Variants in GALNT13 observed in about 807,000 individuals in gnomAD.
GALNT13 encodes the protein UDP-GalNAc:polypeptide N-acetylgalactosaminyltransferase 13.
GALNT13 carries 28 observed loss-of-function variants against 64.2 expected under a neutral mutation model. The ratio of observed to expected loss-of-function variants is 0.44; its 90% CI spans 0.32 to 0.60. The LOEUF (loss-of-function observed/expected upper bound fraction) is 0.60. GALNT13 is among the 20% of genes least tolerant of loss of function. The pLI, the probability that GALNT13 is intolerant of heterozygous loss-of-function variation, is 0.05. For missense variants in GALNT13, 577 were observed against 669.8 expected (o/e 0.86, Z 1.53); for synonymous variants, 214 against 224.6 (o/e 0.95, Z 0.42).
the GALNT13 span, among the ~76,000 whole-genome samples, chr2:153,344,234 C>T: frequency 5.3e-5 from 8 of 152,122 alleles, no homozygotes; most frequent in Non-Finnish European, 1.0e-4. Context: ...TAGACAAGTT[C>T]CACCATTTGT....
At chr2:153,232,021 G>A in the GALNT13 span, among the ~76,000 whole-genome samples, 1,647 of 152,232 alleles carry the variant, frequency 0.011, 20 homozygotes, top group Non-Finnish European at 0.013. Context: ...ATGTGAAAAC[G>A]TGCACTGACC....
intron 3 of GALNT13, among the ~76,000 whole-genome samples, chr2:153,967,447 G>C (rs1235575934): frequency 6.6e-6 from 1 of 152,182 alleles, no homozygotes; most frequent in Non-Finnish European, 1.5e-5. Flanking sequence ...TCTTTCAGCA[G>C]TAGGTGGCCC....
intron 3 of GALNT13, among the ~76,000 whole-genome samples, chr2:153,973,843 T>G (rs570128602): frequency 6.6e-6 from 1 of 152,124 alleles, no homozygotes; most frequent in Non-Finnish European, 1.5e-5. Flanking sequence ...AACATGACCA[T>G]ATACAGATGA....
At chr2:153,789,766 C>G in the GALNT13 span, among the ~76,000 whole-genome samples, 1 of 152,218 alleles carries the variant, frequency 6.6e-6, no homozygotes, top group Middle Eastern at 3.4e-3. Context: ...ACTAACCCCC[C>G]AGAAAAACAC....
At chr2:153,464,161 G>T in the GALNT13 span, among the ~76,000 whole-genome samples, 1 of 152,000 alleles carries the variant, frequency 6.6e-6, no homozygotes, top group Non-Finnish European at 1.5e-5. Context: ...AGTCAAAATT[G>T]ACTCAGAAAC....
the GALNT13 span, among the ~76,000 whole-genome samples, chr2:153,098,154 T>C: frequency 2.0e-5 from 3 of 152,204 alleles, no homozygotes; most frequent in East Asian, 5.8e-4. Context: ...TTCAGATAAA[T>C]ATATATTTAA....
intron 9 of GALNT13, among the ~76,000 whole-genome samples, chr2:154,327,311 C>T (rs1325891464): frequency 6.6e-6 from 1 of 152,064 alleles, no homozygotes; most frequent in Non-Finnish European, 1.5e-5. Context: ...AACCTCCCTC[C>T]TTTGCAAATA....
the GALNT13 span, among the ~76,000 whole-genome samples, chr2:153,818,321 G>A: frequency 6.6e-6 from 1 of 152,134 alleles, no homozygotes; most frequent in Non-Finnish European, 1.5e-5. Context: ...GCAGCTTGGC[G>A]CCAGCTGCTG....
chr2:153,262,217 G>A, the GALNT13 span, among the ~76,000 whole-genome samples: 1 of 152,204 alleles, frequency 6.6e-6, no homozygotes, highest in Non-Finnish European at 1.5e-5. Flanking sequence ...AGGGCCCACA[G>A]TGTGTACTGC....
At chr2:154,263,389 G>C (rs1690808388) in intron 8 of GALNT13, among the ~76,000 whole-genome samples, 1 of 152,146 alleles carries the variant, frequency 6.6e-6, no homozygotes, top group Non-Finnish European at 1.5e-5. Context: ...ATTCATGGCA[G>C]CTGTTGTGGT....
chr2:153,236,892 A>C, the GALNT13 span, among the ~76,000 whole-genome samples: 1 of 152,088 alleles, frequency 6.6e-6, no homozygotes, highest in Non-Finnish European at 1.5e-5. Flanking sequence ...AGCAAAGTAA[A>C]TTGAAAACTT....
chr2:153,333,865 C>T, the GALNT13 span, among the ~76,000 whole-genome samples: 1 of 152,178 alleles, frequency 6.6e-6, no homozygotes, highest in African/African-American at 2.4e-5. Context: ...TTGTGTTAAA[C>T]TACTGAGTTT....
chr2:153,321,638 G>T, the GALNT13 span, among the ~76,000 whole-genome samples: 4 of 152,160 alleles, frequency 2.6e-5, no homozygotes, highest in South Asian at 2.1e-4. Flanking sequence ...CCCCCAAAAA[G>T]GTTAAGAAAG....
At chr2:154,052,448 A>G (rs1457737585) in intron 3 of GALNT13, among the ~76,000 whole-genome samples, 1 of 151,986 alleles carries the variant, frequency 6.6e-6, no homozygotes, top group Non-Finnish European at 1.5e-5. Flanking sequence ...TTATCACCTC[A>G]TTTAGATTTT....
chr2:154,370,142 G>A (rs981557175), intron 9 of GALNT13, among the ~76,000 whole-genome samples: 2 of 152,010 alleles, frequency 1.3e-5, no homozygotes, highest in Non-Finnish European at 2.9e-5. Flanking sequence ...TGAAGTTTAG[G>A]TGGGGGATAC....
At chr2:153,701,687 C>T in the GALNT13 span, among the ~76,000 whole-genome samples, 1 of 152,094 alleles carries the variant, frequency 6.6e-6, no homozygotes, top group Non-Finnish European at 1.5e-5. Flanking sequence ...TGAACAGACA[C>T]TTTTCAAAAG....
At chr2:153,819,007 T>C in the GALNT13 span, among the ~76,000 whole-genome samples, 1 of 152,224 alleles carries the variant, frequency 6.6e-6, no homozygotes, top group East Asian at 1.9e-4. Context: ...TCAGGACACA[T>C]ACACATTCTC....
At chr2:153,134,096 C>A in the GALNT13 span, among the ~76,000 whole-genome samples, 1 of 152,126 alleles carries the variant, frequency 6.6e-6, no homozygotes, top group Admixed American at 6.5e-5. Flanking sequence ...GCAGAGCACC[C>A]CTTCCGTTTT....
At chr2:154,407,275 A>G (rs960742809) in intron 10 of GALNT13, among the ~76,000 whole-genome samples, 13 of 152,128 alleles carry the variant, frequency 8.5e-5, no homozygotes, top group Non-Finnish European at 1.6e-4. Flanking sequence ...CTCTAAGTAT[A>G]ATGGCATTAT....
Sources: allele counts gnomAD v4.1 joint callset (sites outside exome capture counted in the v4.1 genomes callset), GRCh38; gene constraint gnomAD v4.1.1; transcripts MANE v1.5; gene names NCBI Gene and HGNC (gene_info 2026-07-23, HGNC 2026-07-21).